The following CP variants were observed in gnomAD, a reference collection of about 807,000 sequenced individuals.
CP encodes the protein ceruloplasmin.
In CP, 64 loss-of-function variants were observed where a neutral mutation model predicts 122.4. The observed-to-expected ratio is 0.52, with a 90% confidence interval of 0.43 to 0.64. CP has a LOEUF of 0.64. CP is among the 30% of genes least tolerant of loss of function. CP has a pLI of 0.00. For synonymous variants in CP, 440 were observed against 436.4 expected (o/e 1.01, Z -0.10); for missense variants, 1,167 against 1,284.4 (o/e 0.91, Z 1.40).
intron 9 of CP, among the ~76,000 whole-genome samples, chr3:149,188,811 T>C (rs905904930): frequency 1.3e-5 from 2 of 152,044 alleles, no homozygotes; most frequent in Non-Finnish European, 2.9e-5. Flanking sequence ...AAGAAGGCAG[T>C]CAAAGGAATC....
chr3:149,169,739 T>C (rs763910104), downstream of CP, among the ~76,000 whole-genome samples: 13 of 152,110 alleles, frequency 8.5e-5, no homozygotes, highest in Non-Finnish European at 1.8e-4. Flanking sequence ...AGTGGATGGG[T>C]TGGTTGTTTT....
chr3:149,162,756 G>A, exon 6 of CP: 1 of 1,613,988 alleles, frequency 6.2e-7, no homozygotes, highest in Non-Finnish European at 8.5e-7. Context: ...AGCTCAGCTA[G>A]TGGCATGTCT....
chr3:149,188,197 A>T lies in CP; in HGVS notation c.1719T>A (p.Asp573Glu). The T allele has an allele frequency of 6.2e-7, 1 of 1,610,956 alleles. No individual in the cohort carries two copies. Among genetic ancestry groups the T allele is most frequent in the Non-Finnish European group, 8.5e-7 (1 of 1,179,094 alleles). The change falls in exon 10 of 19, where the codon GAT becomes GAA. Residue 573 changes from aspartate (D) to glutamate (E), a missense_variant. Around this residue, in one of 2 missense-constraint regions of CP, gnomAD observed 525 missense variants for 657.2 expected, o/e 0.80. Transcript: ENST00000264613. ...GSLHANGRQK[D>E]VDKEFYLFPT... is the part of the protein sequence containing the mutation. ...GAAACAAATAGAATTCCTTGTCTAC[A>T]TCTTTCTGTAAATCAAAACAAAATG...
rs556278892 is a variant in CP at position 149,177,898 on chromosome 3, A to T, written c.2960T>A (p.Met987Lys). Residue 987 changes from methionine to lysine, a missense_variant, in exon 17 of 19, where the codon ATG (methionine) becomes AAG (lysine). By Grantham distance (95) the Met-to-Lys change is moderately conservative. This residue lies in a region of CP where 525 missense variants were observed against 657.2 expected (regional missense o/e 0.80). Coordinates refer to ENST00000264613, the MANE Select transcript of CP (RefSeq NM_000096.4). ...GDEVNWYLMG[M>K]GNEIDLHTVH... ...AGTGTGTAAGTCTATTTCATTGCCC[A>T]TTCCCATCAGATACCAGTTGACTTC... 1 of 1,613,824 alleles carries T rather than the reference A, an allele frequency of 6.2e-7. No homozygotes were observed. Among genetic ancestry groups the T allele is most frequent in the Non-Finnish European group, 8.5e-7 (1 of 1,179,738 alleles).
intron 17 of CP, chr3:149,176,752 T>C (rs532364297): frequency 4.1e-6 from 1 of 241,308 alleles, no homozygotes; most frequent in East Asian, 1.1e-4. Flanking sequence ...ATTTCAGCCC[T>C]AGCCTCACTT....
intron 13 of CP, among the ~76,000 whole-genome samples, chr3:149,183,162 T>G (rs561144206): frequency 6.6e-6 from 1 of 152,118 alleles, no homozygotes; most frequent in East Asian, 1.9e-4. Flanking sequence ...AAACAGAATT[T>G]CATTAGAAAA....
intron 6 of CP, among the ~76,000 whole-genome samples, chr3:149,203,759 T>C (rs2108282216): frequency 6.6e-6 from 1 of 152,342 alleles, no homozygotes; most frequent in Middle Eastern, 3.4e-3. Context: ...TGCTATGTGT[T>C]GATGACTTAA....
chr3:149,191,824 C>T (rs1726566380), intron 9 of CP, among the ~76,000 whole-genome samples: 1 of 151,912 alleles, frequency 6.6e-6, no homozygotes, highest in South Asian at 2.1e-4. Flanking sequence ...CCGTGTTATG[C>T]ATAATATTAA....
At chr3:149,205,726 CA>C (rs1727667310) in intron 6 of CP, among the ~76,000 whole-genome samples, 2 of 151,902 alleles carry the variant, frequency 1.3e-5, no homozygotes, top group South Asian at 4.2e-4. Context: ...TCGAGCTTAT[CA>C]GGGGGTGGAG....
At position 149,178,645 on chromosome 3, in the gene CP, A is replaced by G. The variant is rs189155564; in HGVS notation, c.2662-14T>C. On this transcript the variant is annotated splice_polypyrimidine_tract_variant and intron_variant, in intron 15 of 18. Coordinates refer to ENST00000264613, the MANE Select transcript of CP (RefSeq NM_000096.4). ...ACTGTAGAGGTCCTGGAAACAAGAA[A>G]AATCTTCAGTAACCCTTGTGAATTA... 1.4e-4 allele frequency: 212 copies of G among 1,553,572 alleles called. 1 individual carries two copies. Among genetic ancestry groups the G allele is most frequent in the South Asian group, 1.3e-3 (114 of 88,966 alleles).
intron 15 of CP, among the ~76,000 whole-genome samples, chr3:149,179,130 CT>C (rs1725618337): frequency 6.6e-6 from 1 of 152,216 alleles, no homozygotes; most frequent in Admixed American, 6.5e-5. Flanking sequence ...CTATAACCGA[CT>C]CCATTTCTTT....
chr3:149,199,348 A>G (rs1329138269), intron 8 of CP, among the ~76,000 whole-genome samples: 3 of 152,204 alleles, frequency 2.0e-5, no homozygotes. Context: ...ACTATGGATA[A>G]TTAGTATTTT....
At chr3:149,191,731 G>T (rs1308456646) in intron 9 of CP, among the ~76,000 whole-genome samples, 1 of 151,960 alleles carries the variant, frequency 6.6e-6, no homozygotes. Context: ...ACTAAGAAAT[G>T]AATATTTAAG....
chr3:149,202,861 G>A (rs1488217276), intron 6 of CP, among the ~76,000 whole-genome samples: 5 of 145,452 alleles, frequency 3.4e-5, no homozygotes, highest in African/African-American at 7.7e-5. Flanking sequence ...TGCCCGCCTC[G>A]GCCTCCCAAA....
chr3:149,198,346 T>G, intron 9 of CP, 21 bp downstream of exon 9: 1 of 1,593,280 alleles, frequency 6.3e-7, no homozygotes. Flanking sequence ...GAACAATTTT[T>G]TTTTCCCCAG....
intron 10 of CP, 69 bp from the exon 11 acceptor site, chr3:149,186,801 TC>T: frequency 6.9e-7 from 1 of 1,442,886 alleles, no homozygotes; most frequent in Non-Finnish European, 9.7e-7. Context: ...TCACAGACTT[TC>T]CAGGACCAAC....
rs767647159 is a variant in CP at position 149,209,236 on chromosome 3, G to T, written c.756C>A (p.Asp252Glu). 72 of 1,613,650 alleles carry T rather than the reference G, an allele frequency of 4.5e-5. No homozygotes were observed. ...AATACATTCTGTTACTCTCCTGGAA[G>T]TCTTCGTTGTCTTTGTCAACTTTCT... ...EPEKVDKDNEDFQESNRMYSV... is the reference protein window; with the variant it reads ...EPEKVDKDNEEFQESNRMYSV... The change falls in exon 4 of 19, where the codon GAC (aspartate) becomes GAA (glutamate). Residue 252 changes from aspartate to glutamate, a missense_variant. Physicochemically the swap from Asp to Glu is conservative, Grantham distance 45. Around this residue, in one of 2 missense-constraint regions of CP, gnomAD observed 642 missense variants for 627.3 expected, o/e 1.02. Transcript: ENST00000264613.
Position 149,178,565 on chromosome 3 carries a change from G to A in CP, c.2728C>T (p.Pro910Ser). Residue 910 changes from proline to serine, a missense_variant, in exon 16 of 19, where the codon CCC (proline) becomes TCC (serine). This residue lies in a region of CP where 525 missense variants were observed against 657.2 expected (regional missense o/e 0.80). Transcript: ENST00000264613. ...CRRPYLKVFN[P>S]RRKLEFALLF... The stretch of plus-strand genomic sequence containing the variant: ...AGGGCAAATTCCAGTTTCCTTCTGG[G>A]ATTGAATACTTTCAAGTAAGGTCTT... 1 of 1,613,344 alleles carries A rather than the reference G, an allele frequency of 6.2e-7. No homozygotes were observed. Among genetic ancestry groups the A allele is most frequent in the Non-Finnish European group, 8.5e-7 (1 of 1,179,476 alleles).
In CP at chr3:149,197,179, C is replaced by T. The variant is rs545290215; in HGVS notation, c.1713+1188G>A. On this transcript the variant is annotated intron_variant, in intron 9 of 18. Coordinates refer to ENST00000264613, the MANE Select transcript of CP (RefSeq NM_000096.4). ...CGCTGACTCTCTTTTCGGACTCAGC[C>T]CGCCTGCACCCGGGTGAAATAAACA... is the stretch of plus-strand genomic sequence containing the variant. Among the ~76,000 whole-genome samples the T allele has an allele frequency of 2.0e-4, 30 of 152,250 alleles. No homozygotes were observed. In the South Asian group the frequency reaches 6.2e-3, roughly 32 times the overall value.
Sources: allele counts gnomAD v4.1 joint callset (sites outside exome capture counted in the v4.1 genomes callset), GRCh38; gene constraint gnomAD v4.1.1; regional missense constraint gnomAD v4.1.1; transcripts MANE v1.5; gene names NCBI Gene and HGNC (gene_info 2026-07-23, HGNC 2026-07-21).